POU3F3: variants seen among roughly 807,000 people sequenced by gnomAD.
POU3F3 encodes POU domain, class 3, transcription factor 3.
A neutral mutation model predicts 8.6 loss-of-function variants in POU3F3; 1 was observed. That is an observed-to-expected ratio of 0.12 (90% CI 0.04 to 0.55). POU3F3 has a LOEUF of 0.55. Among genes scored for constraint, POU3F3 ranks in the 20% least tolerant of loss-of-function variants. The pLI, the probability that POU3F3 is intolerant of heterozygous loss-of-function variation, is 0.91. For missense variants in POU3F3, 577 were observed against 690.7 expected, an observed-to-expected ratio of 0.84 and a Z score of 1.84; for synonymous variants, 418 against 327.4, an observed-to-expected ratio of 1.28 and a Z score of -2.99.
At chr2:104,872,497 G>T in the POU3F3 span, 2 of 383,710 alleles carry the variant, frequency 5.2e-6, no homozygotes, top group African/African-American at 2.1e-5. This position sits in a 1 kb window ranked among gnomAD's most constrained non-coding sequence, Gnocchi z 4.6. Flanking sequence ...CCTCCCTCCC[G>T]TTCCCAGCCC....
chr2:104,872,253 G>C, the POU3F3 span: 5 of 456,598 alleles, frequency 1.1e-5, no homozygotes, highest in South Asian at 6.2e-5. The surrounding 1 kb of genome is among the most constrained non-coding windows in gnomAD (Gnocchi z 4.6). Context: ...CACCCGGCAC[G>C]GTCCTTCCAT....
Position 104,857,329 on chromosome 2 carries a change from T to A in POU3F3, c.*316T>A, listed in dbSNP as rs1676589847. On this transcript the variant is annotated 3_prime_UTR_variant, in exon 1 of 1. Coordinates refer to ENST00000361360, the MANE Select transcript of POU3F3 (RefSeq NM_006236.3). ...ACCCAGACTGTTTTGTATACATATATAACAAACAAAACCGGAAGAGAAAAA... is the reference window on the plus strand; with the variant it reads ...ACCCAGACTGTTTTGTATACATATAAAACAAACAAAACCGGAAGAGAAAAA... 6.4e-6 allele frequency: 1 copy of A among 155,554 alleles called. No homozygotes were observed. Among genetic ancestry groups the A allele is most frequent in the Non-Finnish European group, 1.4e-5 (1 of 69,734 alleles). 9.6% of individuals were successfully genotyped at this position (155,554 alleles called of 1,614,324 possible).
rs764762195 is a variant in POU3F3 at position 104,856,494 on chromosome 2, G to A, written c.984G>A (p.Gln328=). The A allele has an allele frequency of 8.1e-6, 13 of 1,613,734 alleles. No homozygotes were observed. In the South Asian group the frequency reaches 9.9e-5, roughly 12 times the overall value. Residue 328 remains glutamine, a synonymous_variant, in exon 1 of 1, where the codon CAG becomes CAA. Transcript: ENST00000361360. ...ACGACCTGGAGCAGTTCGCCAAGCA[G>A]TTCAAGCAGCGGCGCATCAAGCTGG... ...TSDDLEQFAK[Q]FKQRRIKLGF... is the part of the protein sequence containing the mutation.
At chr2:104,906,498 T>G in the POU3F3 span, among the ~76,000 whole-genome samples, 1 of 152,222 alleles carries the variant, frequency 6.6e-6, no homozygotes, top group Non-Finnish European at 1.5e-5. Flanking sequence ...CTTCTAGAAT[T>G]GTCCTGGTTA....
the POU3F3 span, among the ~76,000 whole-genome samples, chr2:104,899,276 A>G: frequency 6.6e-6 from 1 of 152,244 alleles, no homozygotes; most frequent in African/African-American, 2.4e-5. Flanking sequence ...CCGGGGCTGC[A>G]GCATGAGTGC....
chr2:104,914,510 T>G, the POU3F3 span, among the ~76,000 whole-genome samples: 2 of 152,170 alleles, frequency 1.3e-5, no homozygotes, highest in Non-Finnish European at 2.9e-5. Context: ...ATTCCCTATA[T>G]TTGCCCAACC....
chr2:104,853,573 T>C (rs964733386), upstream of POU3F3: 2 of 152,314 alleles, frequency 1.3e-5, no homozygotes, highest in Non-Finnish European at 2.9e-5. Context: ...TCTATAGGTA[T>C]TAGCTTGAAT....
the POU3F3 span, among the ~76,000 whole-genome samples, chr2:104,876,060 A>T: frequency 6.6e-6 from 1 of 152,190 alleles, no homozygotes; most frequent in South Asian, 2.1e-4. Context: ...GGAGGAAGAG[A>T]AATGACAAAA....
At chr2:104,892,384 A>G in the POU3F3 span, among the ~76,000 whole-genome samples, 1 of 152,262 alleles carries the variant, frequency 6.6e-6, no homozygotes, top group South Asian at 2.1e-4. Flanking sequence ...TCAAGCAACC[A>G]AGTCACTTTA....
At chr2:104,918,901 G>T in the POU3F3 span, among the ~76,000 whole-genome samples, 23 of 145,414 alleles carry the variant, frequency 1.6e-4, no homozygotes, top group Non-Finnish European at 2.7e-4. Flanking sequence ...TTTTTGAGAT[G>T]GAGTTTCAAG....
At chr2:104,914,358 C>T in the POU3F3 span, among the ~76,000 whole-genome samples, 1 of 152,192 alleles carries the variant, frequency 6.6e-6, no homozygotes, top group Non-Finnish European at 1.5e-5. Context: ...AACATCCTCT[C>T]CACCTTCCAG....
chr2:104,860,988 T>G (rs1676649823), downstream of POU3F3, among the ~76,000 whole-genome samples: 1 of 152,040 alleles, frequency 6.6e-6, no homozygotes, highest in Non-Finnish European at 1.5e-5. Context: ...TCGATAAGTG[T>G]AATATTTTAA....
At chr2:104,860,079 T>A (rs1052424243), downstream of POU3F3, among the ~76,000 whole-genome samples, 1 of 152,180 alleles carries the variant, frequency 6.6e-6, no homozygotes, top group Non-Finnish European at 1.5e-5. Context: ...ATTAAAAAAA[T>A]TTCAGGAGGT....
the POU3F3 span, among the ~76,000 whole-genome samples, chr2:104,896,211 C>G: frequency 1.3e-5 from 2 of 152,224 alleles, no homozygotes; most frequent in Non-Finnish European, 1.5e-5. Context: ...GCTTGGCCCT[C>G]TCATCCCCAT....
chr2:104,869,130 C>A, the POU3F3 span, among the ~76,000 whole-genome samples: 2 of 152,224 alleles, frequency 1.3e-5, no homozygotes, highest in Non-Finnish European at 2.9e-5. Flanking sequence ...TCCCTAGGGA[C>A]AAGCCCTTTT....
In POU3F3 at chr2:104,855,670, G is replaced by C; in HGVS notation, c.160G>C (p.Gly54Arg). ...GGGCGGGGGCGGCGGCATGCAGCCG[G>C]GCAGCGCCGCCGTGACCTCGGGCGC... The part of the protein sequence containing the change: ...AGGGGGGMQP[G>R]SAAVTSGAYR... The change falls in exon 1 of 1, where the codon GGC becomes CGC. Residue 54 changes from glycine to arginine, a missense_variant. Around this residue, in one of 7 missense-constraint regions of POU3F3, gnomAD observed 484 missense variants for 422.6 expected, o/e 1.15. Coordinates refer to ENST00000361360, the MANE Select transcript of POU3F3 (RefSeq NM_006236.3). 1 of 1,101,976 alleles carries C rather than the reference G, an allele frequency of 9.1e-7. No homozygotes were observed. Among genetic ancestry groups the C allele is most frequent in the Non-Finnish European group, 1.1e-6 (1 of 896,620 alleles). The allele number at this position is 1,101,976 out of a possible 1,614,324, so 68.3% of individuals were successfully genotyped here.
the POU3F3 span, among the ~76,000 whole-genome samples, chr2:104,888,458 C>T: frequency 6.6e-6 from 1 of 152,148 alleles, no homozygotes; most frequent in Non-Finnish European, 1.5e-5. Flanking sequence ...GGAAGGCTTT[C>T]AGAACATGGT....
the POU3F3 span, among the ~76,000 whole-genome samples, chr2:104,891,293 C>A: frequency 6.6e-6 from 1 of 151,888 alleles, no homozygotes; most frequent in East Asian, 1.9e-4. Flanking sequence ...ATTATACATT[C>A]ATTTATATCA....
chr2:104,893,652 C>T, the POU3F3 span, among the ~76,000 whole-genome samples: 2 of 152,096 alleles, frequency 1.3e-5, no homozygotes, highest in Non-Finnish European at 2.9e-5. Context: ...GAGGCTGAGG[C>T]GGGCAGATCA....
Sources: gnomAD v4.1 joint callset for allele counts (sites outside exome capture counted in the v4.1 genomes callset) on GRCh38, gnomAD v4.1.1 for gene constraint, gnomAD v4.1.1 regional missense constraint, Gnocchi (gnomAD v3.1) non-coding constraint, MANE v1.5 for transcripts, NCBI Gene and HGNC (gene_info 2026-07-23, HGNC 2026-07-21) for gene names.